Variants in MYO16 observed in about 807,000 individuals in gnomAD.
MYO16 encodes the protein myosin XVI.
MYO16 carries 94 observed loss-of-function variants against 205.3 expected under a neutral mutation model. That is an observed-to-expected ratio of 0.46 (90% CI 0.39 to 0.54). The LOEUF (loss-of-function observed/expected upper bound fraction) is 0.54, where lower values mean the gene tolerates loss of function less well. MYO16 is among the 20% of genes least tolerant of loss of function. The pLI is 0.00. For missense variants in MYO16, 2,315 were observed against 2,387.5 expected, an observed-to-expected ratio of 0.97 and a Z score of 0.63; for synonymous variants, 988 against 954.0, an observed-to-expected ratio of 1.04 and a Z score of -0.66.
intron 20 of MYO16, among the ~76,000 whole-genome samples, chr13:108,972,338 AT>A: frequency 1.7e-5 from 1 of 58,768 alleles, no homozygotes; most frequent in Non-Finnish European, 3.1e-5. Context: ...ATCTATATAT[AT>A]ATATATATAG....
intron 1 of MYO16, among the ~76,000 whole-genome samples, chr13:108,636,350 TTTTTTTTTTTTTTTTTTTTTGTGTG>T (rs933929887): frequency 1.8e-4 from 4 of 22,516 alleles, no homozygotes; most frequent in African/African-American, 8.3e-4. Context: ...ATTTCCCTTT[TTTTTTTTTTTTTTTTTTTTTGTGTG>T]TGTGTGTGTG....
chr13:109,173,947 T>TACG (rs1555338662), intron 33 of MYO16, among the ~76,000 whole-genome samples: 1 of 115,184 alleles, frequency 8.7e-6, no homozygotes, highest in Non-Finnish European at 1.7e-5. Context: ...CTTGTTTTGA[T>TACG]GGGGGGGGGT....
intron 10 of MYO16, among the ~76,000 whole-genome samples, chr13:108,850,018 C>T (rs533385936): frequency 4.0e-5 from 6 of 149,082 alleles, no homozygotes; most frequent in South Asian, 4.2e-4. Flanking sequence ...AGACTGCCTT[C>T]CTCCAAATCC....
chr13:108,881,570 A>AC (rs1304236300), intron 12 of MYO16, among the ~76,000 whole-genome samples: 16 of 152,310 alleles, frequency 1.1e-4, no homozygotes, highest in Non-Finnish European at 1.8e-4. Flanking sequence ...CAAATGGCTA[A>AC]CCAGAATAAA....
chr13:108,955,341 C>T (rs1883307747), intron 16 of MYO16, among the ~76,000 whole-genome samples: 1 of 152,156 alleles, frequency 6.6e-6, no homozygotes, highest in East Asian at 1.9e-4. Context: ...TCTATCTCAG[C>T]AGATTCATAT....
chr13:108,682,297 A>G (rs1035264153), intron 2 of MYO16, among the ~76,000 whole-genome samples: 2 of 152,222 alleles, frequency 1.3e-5, no homozygotes, highest in Non-Finnish European at 2.9e-5. Flanking sequence ...CCTTGAATAC[A>G]GTGGTTCATT....
chr13:108,516,433 C>T, the MYO16 span, among the ~76,000 whole-genome samples: 1 of 152,166 alleles, frequency 6.6e-6, no homozygotes, highest in African/African-American at 2.4e-5. Context: ...AATCACCCGT[C>T]TTCTGCGTCG....
the MYO16 span, among the ~76,000 whole-genome samples, chr13:108,559,370 A>G: frequency 2.6e-4 from 39 of 150,226 alleles, no homozygotes; most frequent in Middle Eastern, 3.5e-3. Context: ...CCCTGCCAAC[A>G]CCTTGACTTG....
At chr13:108,644,025 T>A (rs1166276856) in intron 1 of MYO16, among the ~76,000 whole-genome samples, 2 of 152,216 alleles carry the variant, frequency 1.3e-5, no homozygotes, top group African/African-American at 4.8e-5. Flanking sequence ...ACAGAATATT[T>A]CTGGGCTTTC....
chr13:108,998,704 G>A (rs572634611), intron 21 of MYO16, among the ~76,000 whole-genome samples: 100 of 152,264 alleles, frequency 6.6e-4, no homozygotes, highest in Middle Eastern at 3.4e-3. Flanking sequence ...CTGGAGTGTC[G>A]GAGGCCAATG....
intron 9 of MYO16, among the ~76,000 whole-genome samples, chr13:108,830,724 C>G (rs447085): frequency 6.6e-6 from 1 of 150,832 alleles, no homozygotes; most frequent in African/African-American, 2.4e-5. Context: ...ACTAACCGGC[C>G]CATTGTGCAC....
intron 1 of MYO16, among the ~76,000 whole-genome samples, chr13:108,657,571 TA>T (rs1881300830): frequency 6.6e-6 from 1 of 152,216 alleles, no homozygotes; most frequent in Admixed American, 6.5e-5. Context: ...ATGACATTTG[TA>T]AACTTAATCA....
chr13:108,681,683 G>A (rs1263196627), intron 2 of MYO16, among the ~76,000 whole-genome samples: 1 of 152,038 alleles, frequency 6.6e-6, no homozygotes, highest in African/African-American at 2.4e-5. Context: ...CTATGGGGGT[G>A]GGGGTGGTAA....
chr13:109,163,112 A>T (rs1878463718), intron 32 of MYO16, among the ~76,000 whole-genome samples: 1 of 152,222 alleles, frequency 6.6e-6, no homozygotes, highest in East Asian at 1.9e-4. Context: ...TTTTGCCTTT[A>T]TTCCATCTAT....
intron 1 of MYO16, among the ~76,000 whole-genome samples, chr13:108,597,605 T>C (rs995176294): frequency 1.3e-5 from 2 of 152,206 alleles, no homozygotes; most frequent in African/African-American, 4.8e-5. Context: ...CTATCAACTA[T>C]AGACAGTATT....
At chr13:108,868,835 G>C (rs1414729383) in intron 12 of MYO16, among the ~76,000 whole-genome samples, 1 of 150,690 alleles carries the variant, frequency 6.6e-6, no homozygotes, top group African/African-American at 2.4e-5. Flanking sequence ...CAGGAGAATC[G>C]CTTGAACCCG....
At chr13:108,552,433 C>G in the MYO16 span, among the ~76,000 whole-genome samples, 3 of 152,132 alleles carry the variant, frequency 2.0e-5, no homozygotes, top group African/African-American at 7.2e-5. Flanking sequence ...GCATGTCTTA[C>G]AGCTCACTCA....
At chr13:108,643,298 C>T (rs1880593456) in intron 1 of MYO16, among the ~76,000 whole-genome samples, 1 of 152,080 alleles carries the variant, frequency 6.6e-6, no homozygotes, top group East Asian at 1.9e-4. Flanking sequence ...AACATCATGC[C>T]CTTGAGATCC....
intron 32 of MYO16, among the ~76,000 whole-genome samples, chr13:109,160,136 G>A (rs1334650385): frequency 3.3e-5 from 5 of 152,136 alleles, no homozygotes; most frequent in African/African-American, 1.2e-4. Flanking sequence ...ACACCCCATC[G>A]CCCGGTTGTG....
Sources: allele counts gnomAD v4.1 joint callset (sites outside exome capture counted in the v4.1 genomes callset), GRCh38; gene constraint gnomAD v4.1.1; transcripts MANE v1.5; gene names NCBI Gene and HGNC (gene_info 2026-07-23, HGNC 2026-07-21).